The following HEMK2 variants were observed in gnomAD, a reference collection of about 807,000 sequenced individuals.
HEMK2 encodes the protein methyltransferase HEMK2.
the HEMK2 span, among the ~76,000 whole-genome samples, chr21:28,671,453 T>A: frequency 2.6e-5 from 4 of 152,198 alleles, no homozygotes; most frequent in Non-Finnish European, 5.9e-5. Flanking sequence ...AAAGGAAGAA[T>A]CCTCTTCATA....
the HEMK2 span, among the ~76,000 whole-genome samples, chr21:28,662,572 G>C: frequency 6.6e-6 from 1 of 152,124 alleles, no homozygotes; most frequent in Non-Finnish European, 1.5e-5. Flanking sequence ...TATAATTCTC[G>C]TGTGTCGTGG....
the HEMK2 span, among the ~76,000 whole-genome samples, chr21:28,761,185 C>A: frequency 1.3e-5 from 2 of 152,002 alleles, no homozygotes; most frequent in Admixed American, 6.6e-5. Flanking sequence ...CTTCAAGAAT[C>A]AGTTCATAAG....
chr21:28,789,940 T>C, the HEMK2 span, among the ~76,000 whole-genome samples: 2 of 152,146 alleles, frequency 1.3e-5, no homozygotes, highest in African/African-American at 2.4e-5. Flanking sequence ...TTATTAAACA[T>C]TGGTCTAATG....
At chr21:28,804,558 G>C in the HEMK2 span, among the ~76,000 whole-genome samples, 2 of 151,976 alleles carry the variant, frequency 1.3e-5, no homozygotes, top group Admixed American at 1.3e-4. Context: ...AACATAGGGA[G>C]ACCCCATCTC....
At chr21:28,722,506 T>C in the HEMK2 span, among the ~76,000 whole-genome samples, 1 of 152,214 alleles carries the variant, frequency 6.6e-6, no homozygotes, top group East Asian at 1.9e-4. Flanking sequence ...AGAGAGTTGT[T>C]TCCATTTAAA....
chr21:28,862,061 T>G, the HEMK2 span, among the ~76,000 whole-genome samples: 1,944 of 152,258 alleles, frequency 0.013, 38 homozygotes, highest in African/African-American at 0.044. Context: ...AGTTACAGTG[T>G]TGGTTGGGGT....
chr21:28,700,211 T>A, the HEMK2 span, among the ~76,000 whole-genome samples: 4 of 152,328 alleles, frequency 2.6e-5, no homozygotes, highest in African/African-American at 9.6e-5. Flanking sequence ...TTTCCTATTC[T>A]GCTTTGCCTC....
chr21:28,794,165 T>A, the HEMK2 span, among the ~76,000 whole-genome samples: 1 of 152,312 alleles, frequency 6.6e-6, no homozygotes, highest in South Asian at 2.1e-4. Flanking sequence ...AATATACATA[T>A]AAATTCATTG....
chr21:28,728,203 A>C, the HEMK2 span, among the ~76,000 whole-genome samples: 1 of 152,248 alleles, frequency 6.6e-6, no homozygotes, highest in Non-Finnish European at 1.5e-5. Context: ...CAAATTAACT[A>C]TGTAGACACA....
chr21:28,647,364 T>C, the HEMK2 span, among the ~76,000 whole-genome samples: 1 of 141,346 alleles, frequency 7.1e-6, no homozygotes, highest in Admixed American at 7.1e-5. Flanking sequence ...AAAAATTAGC[T>C]GGGCATGGTG....
At chr21:28,753,592 A>G in the HEMK2 span, among the ~76,000 whole-genome samples, 14 of 152,156 alleles carry the variant, frequency 9.2e-5, no homozygotes, top group African/African-American at 3.4e-4. Flanking sequence ...AGTACATCAT[A>G]AATCCTACCT....
the HEMK2 span, chr21:28,743,257 T>A: frequency 0.27 from 41,625 of 152,030 alleles, 6,107 homozygotes; most frequent in East Asian, 0.52. Flanking sequence ...TGCGCCAGGA[T>A]GACATGCACA....
the HEMK2 span, among the ~76,000 whole-genome samples, chr21:28,727,395 G>A: frequency 6.6e-6 from 1 of 152,218 alleles, no homozygotes; most frequent in Non-Finnish European, 1.5e-5. Context: ...TCTTTGGTTT[G>A]GTTACATCAT....
chr21:28,805,675 T>A, the HEMK2 span, among the ~76,000 whole-genome samples: 2 of 152,126 alleles, frequency 1.3e-5, no homozygotes, highest in Non-Finnish European at 2.9e-5. Flanking sequence ...CTGTGCTTTT[T>A]TTTTCTCCGA....
the HEMK2 span, among the ~76,000 whole-genome samples, chr21:28,630,477 C>T: frequency 1.3e-5 from 2 of 152,142 alleles, no homozygotes; most frequent in African/African-American, 4.8e-5. Context: ...GACACATGCA[C>T]ACATATGTTT....
chr21:28,616,478 G>A, the HEMK2 span, among the ~76,000 whole-genome samples: 2 of 152,052 alleles, frequency 1.3e-5, no homozygotes, highest in Non-Finnish European at 1.5e-5. Flanking sequence ...TTTATGTAAA[G>A]TCTTATTCTA....
chr21:28,643,063 C>A, the HEMK2 span, among the ~76,000 whole-genome samples: 1 of 152,160 alleles, frequency 6.6e-6, no homozygotes, highest in Non-Finnish European at 1.5e-5. Context: ...GTCACATACC[C>A]CACAGTCTAA....
At chr21:28,785,718 C>T in the HEMK2 span, among the ~76,000 whole-genome samples, 1 of 152,024 alleles carries the variant, frequency 6.6e-6, no homozygotes, top group Admixed American at 6.6e-5. Flanking sequence ...TCCTCATAGC[C>T]CCAGCCGACA....
At chr21:28,617,042 T>A in the HEMK2 span, among the ~76,000 whole-genome samples, 1 of 151,926 alleles carries the variant, frequency 6.6e-6, no homozygotes, top group African/African-American at 2.4e-5. Context: ...GGGAAAAAAA[T>A]AAATAAATAA....
Sources: allele counts gnomAD v4.1 joint callset (sites outside exome capture counted in the v4.1 genomes callset), GRCh38; gene constraint gnomAD v4.1.1; transcripts MANE v1.5; gene names NCBI Gene and HGNC (gene_info 2026-07-23, HGNC 2026-07-21).